BTBD2: variants seen among roughly 807,000 people sequenced by gnomAD.
The protein encoded by BTBD2 is BTB domain containing 2.
BTBD2 carries 15 observed loss-of-function variants against 44.0 expected under a neutral mutation model. The observed-to-expected ratio is 0.34, with a 90% CI of 0.23 to 0.53. The LOEUF is 0.53. Among genes scored for constraint, BTBD2 ranks in the 20% least tolerant of loss-of-function variants. The pLI, the probability that BTBD2 is intolerant of heterozygous loss-of-function variation, is 0.95. For synonymous variants in BTBD2, 443 were observed against 335.9 expected (o/e 1.32, Z -3.49); for missense variants, 657 against 746.4 (o/e 0.88, Z 1.39).
intron 1 of BTBD2, among the ~76,000 whole-genome samples, chr19:2,004,123 C>A (rs905638641): frequency 2.0e-5 from 3 of 151,874 alleles, no homozygotes; most frequent in African/African-American, 7.3e-5. Context: ...AAGAGTTTCC[C>A]CCCTTTCTGG....
chr19:1,999,286 G>A (rs568536577), intron 1 of BTBD2, among the ~76,000 whole-genome samples: 112 of 152,334 alleles, frequency 7.4e-4, no homozygotes, highest in African/African-American at 2.6e-3. Flanking sequence ...TGCGAGGCCC[G>A]GCGGAAACAG....
Position 2,015,544 on chromosome 19 carries a change from CGGCGGCGGCGG to C in BTBD2, c.149_159del (p.Ala50GlyfsTer94). 7.8e-5 allele frequency: 1 copy of C among 12,896 alleles called. No individual in the cohort carries two copies. Among genetic ancestry groups the C allele is most frequent in the South Asian group, 3.7e-3 (1 of 270 alleles). The allele number at this position is 12,896 out of a possible 1,614,324, so 0.8% of individuals were successfully genotyped here. On this transcript the variant is annotated frameshift_variant, in exon 1 of 9. Transcript: ENST00000255608. LOFTEE classifies it high-confidence loss of function. The stretch of plus-strand genomic sequence containing the variant: ...GGGGCGGGCGGCGTCGGCCCAGGGG[CGGCGGCGGCGG>C]CGGCGGCGGCGGCGGCGGCGGCGGC...
rs34515763 is a variant in BTBD2 at position 1,985,596 on chromosome 19, AGG to A, written c.*890_*891del. 6.7e-6 allele frequency: 1 copy of A among 150,228 alleles called. No homozygotes were observed. The highest frequency in any genetic ancestry group is 1.5e-5 in the Non-Finnish European group (1 of 67,630). 9.3% of individuals were successfully genotyped at this position (150,228 alleles called of 1,614,324 possible). On this transcript the variant is annotated 3_prime_UTR_variant, in exon 9 of 9. Transcript: ENST00000255608. The stretch of plus-strand genomic sequence containing the variant: ...GGGTGGGGGCGTGGCCGGAGTGGGG[AGG>A]GGCTGTGCCCCCAGCACCTGGGGGT...
At position 1,994,326 on chromosome 19, in the gene BTBD2, T is replaced by A. The variant is rs1002656246; in HGVS notation, c.528-1150A>T. On this transcript the variant is annotated intron_variant, in intron 2 of 8. Coordinates refer to ENST00000255608, the MANE Select transcript of BTBD2 (RefSeq NM_017797.4). ...GTGAGACTCCCTCTCAAAAAAAAAA[T>A]AAAAAATAAAAAAATGTCTCCAGCC... Among the ~76,000 whole-genome samples, 8 of 147,510 alleles carry A rather than the reference T, an allele frequency of 5.4e-5. No individual in the cohort carries two copies. In the South Asian group the frequency reaches 8.6e-4, roughly 16 times the overall value.
chr19:1,996,803 C>T (rs974036969), intron 2 of BTBD2, among the ~76,000 whole-genome samples: 20 of 151,930 alleles, frequency 1.3e-4, no homozygotes, highest in Non-Finnish European at 2.6e-4. Flanking sequence ...ACCAGGAAGT[C>T]GGAGGTCTCA....
rs1246343571 is a variant in BTBD2, at chr19:1,993,002, C to T, written c.684+18G>A. On this transcript the variant is annotated intron_variant, in intron 3 of 8. Coordinates refer to ENST00000255608, the MANE Select transcript of BTBD2 (RefSeq NM_017797.4). ...GCCAGGCCTGGCCCCGCCCCCGCCT[C>T]GTACCGGCCCCGCCCACCTGCGTGA... The T allele has an allele frequency of 3.9e-6, 6 of 1,540,510 alleles. No individual in the cohort carries two copies. The highest frequency in any genetic ancestry group is 3.5e-6 in the Non-Finnish European group (4 of 1,150,482).
chr19:1,990,719 A>C lies in BTBD2; in HGVS notation c.788T>G (p.Leu263Arg). The part of the protein sequence containing the change: ...ITAEGFTDID[L>R]DTLVAVLERD... ...CACCTGGGCTCCTGGGCCCTTACCC[A>C]GGTCAATGTCGGTGAAGCCCTCCGC... is the stretch of plus-strand genomic sequence containing the variant. Residue 263 changes from leucine to arginine, a missense_variant and splice_region_variant, in exon 4 of 9, where the codon CTG (leucine) becomes CGG (arginine). This residue lies in a region of BTBD2 where 449 missense variants were observed against 510.9 expected (regional missense o/e 0.88). Transcript: ENST00000255608. 6.3e-7 allele frequency: 1 copy of C among 1,598,050 alleles called. No homozygotes were observed. Among genetic ancestry groups the C allele is most frequent in the Non-Finnish European group, 8.5e-7 (1 of 1,172,784 alleles).
intron 1 of BTBD2, among the ~76,000 whole-genome samples, chr19:2,003,784 A>G (rs7252327): frequency 0.027 from 4,029 of 147,024 alleles, 226 homozygotes; most frequent in African/African-American, 0.094. Flanking sequence ...AAAAAAAAAA[A>G]AAAGAGAAAG....
At position 2,007,441 on chromosome 19, in the gene BTBD2, G is replaced by A. The variant is rs1401443093; in HGVS notation, c.407+7856C>T. 2.0e-5 allele frequency among the ~76,000 whole-genome samples: 3 copies of A among 152,274 alleles called. No homozygotes were observed. The East Asian group carries it at 5.8e-4, about 29-fold the overall frequency. On this transcript the variant is annotated intron_variant, in intron 1 of 8. Coordinates refer to ENST00000255608, the MANE Select transcript of BTBD2 (RefSeq NM_017797.4). ...ACTATCTGACCCTTCACATGAATTT[G>A]CTGGCACCTGTGTCTTTTATCTGTT...
intron 1 of BTBD2, among the ~76,000 whole-genome samples, chr19:2,011,115 C>T (rs977854186): frequency 1.3e-5 from 2 of 152,090 alleles, no homozygotes; most frequent in African/African-American, 2.4e-5. Context: ...CCCCAGGTCC[C>T]GCCAACACAT....
At position 1,987,555 on chromosome 19, in the gene BTBD2, G is replaced by A. The variant is rs755360364; in HGVS notation, c.1126C>T (p.Arg376Cys). The part of the protein sequence containing the change: ...CLRGKECSIN[R>C]FQQVESRWGY... ...CAGCGACTCTCCACCTGCTGGAAGC[G>A]GTTGATGCTGCACTCCTTCCCACGC... The change falls in exon 6 of 9, where the codon CGC becomes TGC. Residue 376 changes from arginine to cysteine, a missense_variant. By Grantham distance (180) the Arg-to-Cys change is radical. Coordinates refer to ENST00000255608, the MANE Select transcript of BTBD2 (RefSeq NM_017797.4). 3.1e-6 allele frequency: 5 copies of A among 1,611,404 alleles called. No homozygotes were observed. Among genetic ancestry groups the A allele is most frequent in the Non-Finnish European group, 3.4e-6 (4 of 1,179,134 alleles).
intron 1 of BTBD2, among the ~76,000 whole-genome samples, chr19:2,008,732 C>T (rs767908910): frequency 6.6e-6 from 1 of 151,720 alleles, no homozygotes; most frequent in Non-Finnish European, 1.5e-5. Flanking sequence ...GCAGGGACCA[C>T]AGGCACACAC....
At position 1,986,180 on chromosome 19, in the gene BTBD2, C is replaced by T. The variant is rs768757366; in HGVS notation, c.*308G>A. ...ACCGCCGGCAGACGACGTGGGCAGG[C>T]GCCCTGAGCTGCGGGTCCGTGGGCC... is the stretch of plus-strand genomic sequence containing the variant. On this transcript the variant is annotated 3_prime_UTR_variant, in exon 9 of 9. Transcript: ENST00000255608. 19 of 382,052 alleles carry T rather than the reference C, an allele frequency of 5.0e-5. No homozygotes were observed. The highest frequency in any genetic ancestry group is 7.7e-5 in the Non-Finnish European group (16 of 208,640). 23.7% of individuals were successfully genotyped at this position (382,052 alleles called of 1,614,324 possible).
intron 4 of BTBD2, 39 bp downstream of exon 4, chr19:1,990,678 C>T: frequency 6.6e-7 from 1 of 1,523,278 alleles, no homozygotes; most frequent in South Asian, 1.2e-5. Context: ...CCGCCGAGGC[C>T]CCGCTGGGAT....
rs1024082282 is a variant in BTBD2 at position 2,002,420 on chromosome 19, A to G, written c.408-4957T>C. Among the ~76,000 whole-genome samples the G allele has an allele frequency of 6.6e-5, 10 of 152,220 alleles. No individual in the cohort carries two copies. The East Asian group carries it at 1.9e-3, about 29-fold the overall frequency. Reference sequence around the variant, plus strand: ...CTGTTATGGCTAATTATCAAGCTCAAGGACGGAGATGTGGGACTCCTGATT... The same window carrying G: ...CTGTTATGGCTAATTATCAAGCTCAGGGACGGAGATGTGGGACTCCTGATT... On this transcript the variant is annotated intron_variant, in intron 1 of 8. Transcript: ENST00000255608.
Position 1,997,380 on chromosome 19 carries a change from G to A in BTBD2, c.491C>T (p.Pro164Leu). Residue 164 changes from proline to leucine, a missense_variant, in exon 2 of 9, where the codon CCC becomes CTC. This residue lies in a region of BTBD2 where 17 missense variants were observed against 47.0 expected (regional missense o/e 0.36). Transcript: ENST00000255608. Reference protein sequence around the residue: ...MATTSTEIELPDVEPAAFLAL... With the variant: ...MATTSTEIELLDVEPAAFLAL... ...GAGGAAGGCAGCGGGTTCCACGTCGGGCAGCTCAATCTCCGTGGATGTTGT... is the reference window on the plus strand; with the variant it reads ...GAGGAAGGCAGCGGGTTCCACGTCGAGCAGCTCAATCTCCGTGGATGTTGT... 6.2e-7 allele frequency: 1 copy of A among 1,614,168 alleles called. No homozygotes were observed. The highest frequency in any genetic ancestry group is 8.5e-7 in the Non-Finnish European group (1 of 1,180,038).
At chr19:2,012,213 C>G (rs373370663) in intron 1 of BTBD2, among the ~76,000 whole-genome samples, 1 of 150,072 alleles carries the variant, frequency 6.7e-6, no homozygotes, top group South Asian at 2.1e-4. Flanking sequence ...AGTGCAATGG[C>G]GCAATCTCGG....
chr19:2,011,401 G>A (rs942501859), intron 1 of BTBD2, among the ~76,000 whole-genome samples: 9 of 152,028 alleles, frequency 5.9e-5, no homozygotes, highest in African/African-American at 1.9e-4. Flanking sequence ...CCCTCAATGC[G>A]GATCTGGTCA....
intron 1 of BTBD2, among the ~76,000 whole-genome samples, chr19:2,008,901 A>G (rs2016427844): frequency 6.6e-6 from 1 of 152,082 alleles, no homozygotes; most frequent in South Asian, 2.1e-4. Flanking sequence ...TAAAGTTGGG[A>G]AGAATTTGGT....
Sources: allele counts gnomAD v4.1 joint callset (sites outside exome capture counted in the v4.1 genomes callset), GRCh38; gene constraint gnomAD v4.1.1; regional missense constraint gnomAD v4.1.1; transcripts MANE v1.5; gene names NCBI Gene and HGNC (gene_info 2026-07-23, HGNC 2026-07-21).